Variants in NRXN3 observed in about 807,000 individuals in gnomAD.
The protein encoded by NRXN3 is neurexin III.
A neutral mutation model predicts 137.6 loss-of-function variants in NRXN3; 32 were observed. The observed-to-expected ratio is 0.23, with a 90% CI of 0.18 to 0.31. The LOEUF is 0.31. NRXN3 is among the 10% of genes least tolerant of loss of function. The pLI is 1.00. For synonymous variants in NRXN3, 798 were observed against 784.5 expected (o/e 1.02, Z -0.29); for missense variants, 1,574 against 2,062.5 (o/e 0.76, Z 4.59).
At chr14:79,157,821 C>A (rs765605381) in intron 15 of NRXN3, among the ~76,000 whole-genome samples, 7 of 151,726 alleles carry the variant, frequency 4.6e-5, no homozygotes, top group Non-Finnish European at 1.0e-4. Flanking sequence ...TTACTTATAA[C>A]AAAAGACTTG....
At chr14:78,824,773 A>G (rs1310089602) in intron 10 of NRXN3, among the ~76,000 whole-genome samples, 48 of 152,224 alleles carry the variant, frequency 3.2e-4, no homozygotes, top group Non-Finnish European at 7.3e-5. Context: ...ACAGTCAACA[A>G]TATTTCATTG....
chr14:78,669,934 G>T (rs907750449), intron 6 of NRXN3, among the ~76,000 whole-genome samples: 5 of 151,852 alleles, frequency 3.3e-5, no homozygotes, highest in Non-Finnish European at 5.9e-5. Flanking sequence ...TTGGGTATAC[G>T]CATATCCTGG....
intron 4 of NRXN3, among the ~76,000 whole-genome samples, chr14:78,335,153 G>T (rs541885137): frequency 6.6e-6 from 1 of 152,274 alleles, no homozygotes; most frequent in South Asian, 2.1e-4. Flanking sequence ...TCCCTTTTGA[G>T]TTTCAGAAAA....
intron 4 of NRXN3, among the ~76,000 whole-genome samples, chr14:78,605,667 G>A (rs1488096229): frequency 2.0e-5 from 3 of 152,050 alleles, no homozygotes; most frequent in Non-Finnish European, 2.9e-5. Context: ...TTTACAAACA[G>A]AAGCCAGAAG....
At chr14:79,502,582 A>G (rs1294288871) in intron 16 of NRXN3, among the ~76,000 whole-genome samples, 2 of 148,080 alleles carry the variant, frequency 1.4e-5, no homozygotes, top group Non-Finnish European at 3.0e-5. Flanking sequence ...TTCAGTATCT[A>G]ATGTAAACCC....
At chr14:78,230,088 G>A (rs1302859111) in intron 1 of NRXN3, among the ~76,000 whole-genome samples, 1 of 151,924 alleles carries the variant, frequency 6.6e-6, no homozygotes, top group African/African-American at 2.4e-5. Context: ...GCAGTGGCAC[G>A]ATCTCGGCTC....
intron 15 of NRXN3, among the ~76,000 whole-genome samples, chr14:79,436,590 T>A (rs1046351095): frequency 6.6e-6 from 1 of 152,182 alleles, no homozygotes; most frequent in Non-Finnish European, 1.5e-5. Context: ...CCCACATTAG[T>A]AGCGGCCAAG....
Position 78,778,374 on chromosome 14 carries a change from TA to T in NRXN3, c.2045-25240del, listed in dbSNP as rs1162187055. On this transcript the variant is annotated intron_variant, in intron 8 of 20. Coordinates refer to ENST00000335750, the MANE Select transcript of NRXN3 (RefSeq NM_001330195.2). ...AATAGAATTTCCTTTTGTCTGACCT[TA>T]AAAAAGGATATCAGATAAATACTGC... Among the ~76,000 whole-genome samples, 4 of 152,276 alleles carry T rather than the reference TA, an allele frequency of 2.6e-5. No homozygotes were observed. In the East Asian group the frequency reaches 7.7e-4, roughly 29 times the overall value.
At chr14:78,372,092 A>G (rs2086935589) in intron 4 of NRXN3, among the ~76,000 whole-genome samples, 1 of 152,064 alleles carries the variant, frequency 6.6e-6, no homozygotes, top group Admixed American at 6.5e-5. Flanking sequence ...CTTAGAAAAA[A>G]GCATATTTAT....
At chr14:79,586,193 T>C (rs181596404) in intron 16 of NRXN3, among the ~76,000 whole-genome samples, 1 of 152,356 alleles carries the variant, frequency 6.6e-6, no homozygotes, top group Non-Finnish European at 1.5e-5. Flanking sequence ...TGGTATTTTA[T>C]ATTATTTGTT....
chr14:78,543,625 C>T (rs2153821961), intron 4 of NRXN3, among the ~76,000 whole-genome samples: 1 of 152,218 alleles, frequency 6.6e-6, no homozygotes, highest in South Asian at 2.1e-4. Flanking sequence ...TTAAGATAAA[C>T]ACTGCAGAGT....
intron 15 of NRXN3, among the ~76,000 whole-genome samples, chr14:79,013,811 C>A (rs774912114): frequency 9.2e-5 from 14 of 152,064 alleles, no homozygotes; most frequent in Non-Finnish European, 1.8e-4. Context: ...ATATATTAGG[C>A]AAAATATAAG....
chr14:79,733,835 G>A (rs769951645), intron 19 of NRXN3, among the ~76,000 whole-genome samples: 1 of 152,104 alleles, frequency 6.6e-6, no homozygotes, highest in Non-Finnish European at 1.5e-5. Context: ...TTTCCTGTGG[G>A]ATTTTCAGCA....
At chr14:78,707,986 T>C (rs2098371491) in intron 6 of NRXN3, among the ~76,000 whole-genome samples, 1 of 152,246 alleles carries the variant, frequency 6.6e-6, no homozygotes, top group African/African-American at 2.4e-5. Flanking sequence ...AATTTTGCAA[T>C]TGGAAATTGT....
intron 15 of NRXN3, among the ~76,000 whole-genome samples, chr14:78,992,378 G>T (rs1473385038): frequency 1.3e-5 from 2 of 152,174 alleles, no homozygotes; most frequent in Admixed American, 6.5e-5. Flanking sequence ...AATGAAAGCT[G>T]TCTTGGGCTA....
chr14:79,856,902 C>T (rs1227394512), intron 20 of NRXN3, among the ~76,000 whole-genome samples: 1 of 152,070 alleles, frequency 6.6e-6, no homozygotes, highest in Non-Finnish European at 1.5e-5. Flanking sequence ...GGTATGTATG[C>T]CTGATTTTAA....
At chr14:79,766,630 A>G (rs973840108) in intron 19 of NRXN3, among the ~76,000 whole-genome samples, 3 of 152,198 alleles carry the variant, frequency 2.0e-5, no homozygotes, top group Non-Finnish European at 4.4e-5. Flanking sequence ...TGAATGTGTA[A>G]TCTCACAAAG....
rs553093778 is a variant in NRXN3 at position 78,216,309 on chromosome 14, T to A, written c.-703-26082T>A. 6.6e-5 allele frequency among the ~76,000 whole-genome samples: 10 copies of A among 152,344 alleles called. 1 individual carries two copies. The South Asian group carries it at 2.1e-3, about 32-fold the overall frequency. The stretch of plus-strand genomic sequence containing the variant: ...GCCGATGACAGTTTGCATTTGTAAG[T>A]CCTTTTCATATACATGATCTCATTT... On this transcript the variant is annotated intron_variant, in intron 1 of 20. Transcript: ENST00000335750.
intron 16 of NRXN3, among the ~76,000 whole-genome samples, chr14:79,630,248 G>T (rs906095538): frequency 6.6e-6 from 1 of 152,154 alleles, no homozygotes; most frequent in Admixed American, 6.5e-5. Context: ...ACAAACCCAA[G>T]AAGAAAAACA....
Sources: gnomAD v4.1 joint callset for allele counts (sites outside exome capture counted in the v4.1 genomes callset) on GRCh38, gnomAD v4.1.1 for gene constraint, MANE v1.5 for transcripts, NCBI Gene and HGNC (gene_info 2026-07-23, HGNC 2026-07-21) for gene names.